The following CABIN1 variants were observed in gnomAD, a reference collection of about 807,000 sequenced individuals.
CABIN1 encodes calcineurin binding protein 1, also known as calcineurin-binding protein cabin-1.
CABIN1 carries 133 observed loss-of-function variants against 227.7 expected under a neutral mutation model. The observed-to-expected ratio is 0.58, with a 90% CI of 0.51 to 0.67. CABIN1 has a LOEUF of 0.67. CABIN1 is among the 30% of genes least tolerant of loss of function. The probability of loss-of-function intolerance (pLI) is 0.00; values close to 1 mark genes in which losing one functional copy is unlikely to be tolerated. For synonymous variants in CABIN1, 1,086 were observed against 1,155.1 expected, an observed-to-expected ratio of 0.94 and a Z score of 1.21; for missense variants, 2,408 against 2,852.5, an observed-to-expected ratio of 0.84 and a Z score of 3.55.
intron 26 of CABIN1, chr22:24,102,354 G>C (rs1466306007): frequency 6.6e-6 from 1 of 152,254 alleles, no homozygotes; most frequent in Admixed American, 6.5e-5. Flanking sequence ...TGTCACTTCA[G>C]AATGCCAGAG....
At chr22:24,118,707 G>T (rs1473978409) in intron 27 of CABIN1, among the ~76,000 whole-genome samples, 1 of 152,206 alleles carries the variant, frequency 6.6e-6, no homozygotes, top group Non-Finnish European at 1.5e-5. Context: ...GCACCTCAGG[G>T]TCTAGCCCAA....
chr22:24,104,045 A>C (rs778481323), intron 26 of CABIN1, among the ~76,000 whole-genome samples: 16 of 152,124 alleles, frequency 1.1e-4, no homozygotes, highest in Non-Finnish European at 1.9e-4. Context: ...TACTGAGGTG[A>C]CTGGGGTGGA....
intron 24 of CABIN1, among the ~76,000 whole-genome samples, chr22:24,092,328 T>G (rs960922342): frequency 1.3e-5 from 2 of 152,152 alleles, no homozygotes; most frequent in Admixed American, 1.3e-4. Flanking sequence ...GTCTTCTGAT[T>G]GTTGTTCAAG....
At position 24,178,318 on chromosome 22, in the gene CABIN1, G is replaced by T. The variant is rs931930201; in HGVS notation, c.*122G>T. 8.0e-7 allele frequency: 1 copy of T among 1,248,866 alleles called. No individual in the cohort carries two copies. Among genetic ancestry groups the T allele is most frequent in the East Asian group, 2.5e-5 (1 of 39,786 alleles). The allele number at this position is 1,248,866 out of a possible 1,614,324, so 77.4% of individuals were successfully genotyped here. Reference sequence around the variant, plus strand: ...ATGCCACTCCCCACACAGCCCCCAGGCCTGCCCAGCCCACCTCCTCATGGC... The same window carrying T: ...ATGCCACTCCCCACACAGCCCCCAGTCCTGCCCAGCCCACCTCCTCATGGC... On this transcript the variant is annotated 3_prime_UTR_variant, in exon 37 of 37. Coordinates refer to ENST00000263119, the MANE Select transcript of CABIN1 (RefSeq NM_012295.4).
At chr22:24,049,027 A>T (rs186654248) in intron 6 of CABIN1, 64 bp from the exon 7 acceptor site, 14 of 1,598,208 alleles carry the variant, frequency 8.8e-6, no homozygotes, top group Non-Finnish European at 1.2e-5. Context: ...CCTGATGTTA[A>T]CTGGCAAGGC....
chr22:24,109,464 C>G (rs1050471637), intron 26 of CABIN1, among the ~76,000 whole-genome samples: 1 of 152,164 alleles, frequency 6.6e-6, no homozygotes. Context: ...AATCCTCCCT[C>G]CTTGGCCTCC....
rs139342359 is a variant in CABIN1 at position 24,056,227 on chromosome 22, G to T, written c.1129G>T (p.Val377Leu). 123 of 1,613,900 alleles carry T rather than the reference G, an allele frequency of 7.6e-5. No individual in the cohort carries two copies. The highest frequency in any genetic ancestry group is 1.2e-4 in the South Asian group (11 of 91,086). Reference sequence around the variant, plus strand: ...TGGGGGAGATAAATCCAAGAAAGGGGTAAAACGGAAGAAGATTTCAGAAGA... The same window carrying T: ...TGGGGGAGATAAATCCAAGAAAGGGTTAAAACGGAAGAAGATTTCAGAAGA... ...ISGGDKSKKG[V>L]KRKKISEESG... Residue 377 changes from valine to leucine, a missense_variant, in exon 10 of 37, where the codon GTA becomes TTA. Val to Leu is a conservative substitution (Grantham distance 32). This residue lies in a region of CABIN1 where 1,045 missense variants were observed against 1,168.4 expected (regional missense o/e 0.89). Transcript: ENST00000263119.
rs1379786808 is a variant in CABIN1, at chr22:24,064,070, C to T, written c.1920C>T (p.Ile640=). 1 of 1,614,188 alleles carries T rather than the reference C, an allele frequency of 6.2e-7. No homozygotes were observed. Among genetic ancestry groups the T allele is most frequent in the South Asian group, 1.1e-5 (1 of 91,088 alleles). The part of the protein sequence containing the change: ...DMEQALENYD[I]CTEMLQSSTA... ...AGCAGGCCCTGGAGAACTATGACAT[C>T]TGCACAGAAATGCTCCAGAGTTCCA... The change falls in exon 15 of 37, where the codon ATC becomes ATT. Residue 640 remains isoleucine (I), a synonymous_variant. Coordinates refer to ENST00000263119, the MANE Select transcript of CABIN1 (RefSeq NM_012295.4).
chr22:24,058,091 G>A (rs1195121271), intron 10 of CABIN1, among the ~76,000 whole-genome samples: 1 of 152,160 alleles, frequency 6.6e-6, no homozygotes, highest in African/African-American at 2.4e-5. Flanking sequence ...GAGTACAGTG[G>A]CACAATCATA....
intron 9 of CABIN1, among the ~76,000 whole-genome samples, chr22:24,055,830 G>C (rs1471719824): frequency 6.6e-6 from 1 of 152,164 alleles, no homozygotes; most frequent in African/African-American, 2.4e-5. Context: ...GTGCTCAGAG[G>C]GTACTGGGTA....
At chr22:24,162,545 C>T (rs973302611) in intron 29 of CABIN1, among the ~76,000 whole-genome samples, 4 of 152,246 alleles carry the variant, frequency 2.6e-5, no homozygotes, top group African/African-American at 9.6e-5. Flanking sequence ...GCCCGGGAAA[C>T]GTGCCCTTCA....
At chr22:24,065,309 G>A (rs2039554973) in intron 15 of CABIN1, among the ~76,000 whole-genome samples, 2 of 149,862 alleles carry the variant, frequency 1.3e-5, no homozygotes, top group Admixed American at 6.6e-5. Flanking sequence ...GGGCAGAGAC[G>A]CTCCTCACCT....
intron 27 of CABIN1, among the ~76,000 whole-genome samples, chr22:24,116,751 C>T (rs748538727): frequency 1.1e-4 from 16 of 152,208 alleles, no homozygotes; most frequent in Admixed American, 3.3e-4. Flanking sequence ...GTTCACTAGG[C>T]CATCAGTACA....
At position 24,147,218 on chromosome 22, in the gene CABIN1, C is replaced by A. The variant is rs2045172910; in HGVS notation, c.4746+12803C>A. Among the ~76,000 whole-genome samples, 5 of 151,648 alleles carry A rather than the reference C, an allele frequency of 3.3e-5. No homozygotes were observed. In the South Asian group the frequency reaches 1.0e-3, roughly 32 times the overall value. ...TCAGAGGTTTGTTCTTGGAATGTAT[C>A]CCAGCAGCACCTCCCTCCCTCCCTC... On this transcript the variant is annotated intron_variant, in intron 29 of 36. Transcript: ENST00000263119.
intron 25 of CABIN1, among the ~76,000 whole-genome samples, chr22:24,096,900 C>T (rs1259980894): frequency 6.6e-6 from 1 of 152,206 alleles, no homozygotes; most frequent in Non-Finnish European, 1.5e-5. Flanking sequence ...CCTGACTGGG[C>T]ACTGTGCGGG....
chr22:24,137,832 C>G (rs2044512322), intron 29 of CABIN1, among the ~76,000 whole-genome samples: 1 of 152,248 alleles, frequency 6.6e-6, no homozygotes, highest in South Asian at 2.1e-4. Context: ...TTTAGGGCAG[C>G]CCTTGGCTGA....
At chr22:24,175,094 A>T (rs1284294404) in intron 34 of CABIN1, among the ~76,000 whole-genome samples, 1 of 152,092 alleles carries the variant, frequency 6.6e-6, no homozygotes, top group Non-Finnish European at 1.5e-5. Context: ...CAGCCTGGAG[A>T]GTTGATCCTT....
At chr22:24,028,145 C>T (rs948135880) in intron 1 of CABIN1, among the ~76,000 whole-genome samples, 1 of 152,018 alleles carries the variant, frequency 6.6e-6, no homozygotes, top group Admixed American at 6.6e-5. Flanking sequence ...ATGTACATAC[C>T]TTAGTTAAGA....
chr22:24,145,783 A>G (rs2045075523), intron 29 of CABIN1, among the ~76,000 whole-genome samples: 1 of 151,748 alleles, frequency 6.6e-6, no homozygotes, highest in Non-Finnish European at 1.5e-5. Context: ...CCGTGCTAGG[A>G]TGGAAGGGTG....
Sources: allele counts gnomAD v4.1 joint callset (sites outside exome capture counted in the v4.1 genomes callset), GRCh38; gene constraint gnomAD v4.1.1; regional missense constraint gnomAD v4.1.1; transcripts MANE v1.5; gene names NCBI Gene and HGNC (gene_info 2026-07-23, HGNC 2026-07-21).